RPS6KB1: variants seen among roughly 807,000 people sequenced by gnomAD.
RPS6KB1 encodes the protein ribosomal protein S6 kinase B1, also known as ribosomal protein S6 kinase beta-1.
RPS6KB1 carries 12 observed loss-of-function variants against 70.2 expected under a neutral mutation model. The ratio of observed to expected loss-of-function variants is 0.17; its 90% CI spans 0.11 to 0.28. The LOEUF (loss-of-function observed/expected upper bound fraction) is 0.28. Ranked by LOEUF, RPS6KB1 falls within the 10% of genes least tolerant of loss-of-function variation. RPS6KB1 has a pLI of 1.00. For synonymous variants in RPS6KB1, 175 were observed against 211.2 expected, an observed-to-expected ratio of 0.83 and a Z score of 1.49; for missense variants, 270 against 646.6, an observed-to-expected ratio of 0.42 and a Z score of 6.32.
intron 13 of RPS6KB1, among the ~76,000 whole-genome samples, chr17:59,943,921 T>TATAC (rs1990564251): frequency 7.2e-6 from 1 of 139,682 alleles, no homozygotes; most frequent in Non-Finnish European, 1.6e-5. Context: ...TATATATATA[T>TATAC]ACACACATAC....
chr17:59,895,318 CTTTT>C (rs71145587), intron 1 of RPS6KB1, among the ~76,000 whole-genome samples: 2 of 106,278 alleles, frequency 1.9e-5, no homozygotes, highest in African/African-American at 3.5e-5. Context: ...CTGCGCCTGG[CTTTT>C]TTTTTTTTTT....
At chr17:59,907,767 C>T (rs1364102011) in intron 1 of RPS6KB1, among the ~76,000 whole-genome samples, 1 of 152,022 alleles carries the variant, frequency 6.6e-6, no homozygotes, top group African/African-American at 2.4e-5. Flanking sequence ...GTCTTGAACT[C>T]CAAGTAATCC....
rs562927121 is a variant in RPS6KB1, at chr17:59,903,336, A to G, written c.142-7226A>G. On this transcript the variant is annotated intron_variant, in intron 1 of 14. Transcript: ENST00000225577. ...AAAAAAGAAAAAAAAAGAGCCGAGC[A>G]TGGTGCTATGCACTTGTAGTCCCAG... is the stretch of plus-strand genomic sequence containing the variant. Among the ~76,000 whole-genome samples the G allele has an allele frequency of 1.8e-3, 278 of 151,066 alleles. 1 individual carries two copies. The highest frequency in any genetic ancestry group is 1.4e-3 in the Non-Finnish European group (94 of 67,694).
At chr17:59,897,964 CAAAAA>C (rs1469872753) in intron 1 of RPS6KB1, among the ~76,000 whole-genome samples, 1 of 76,290 alleles carries the variant, frequency 1.3e-5, no homozygotes. Flanking sequence ...GATTCCGTCT[CAAAAA>C]AAAAAAAAAA....
chr17:59,947,262 C>T lies in RPS6KB1; in HGVS notation c.*474C>T, dbSNP rs2044980803. 2 of 1,025,992 alleles carry T rather than the reference C, an allele frequency of 1.9e-6. No individual in the cohort carries two copies. The highest frequency in any genetic ancestry group is 4.5e-5 in the South Asian group (1 of 22,176). The allele number at this position is 1,025,992 out of a possible 1,614,324, so 63.6% of individuals were successfully genotyped here. A position where few individuals can be genotyped will look rare whatever the true frequency, so the allele number is the denominator to read the frequency against. ...TGGAAGCAAAGACAAAAGAAACTTA[C>T]CAATTGATGTTTTACGTGCAAACAA... On this transcript the variant is annotated 3_prime_UTR_variant, in exon 15 of 15. Coordinates refer to ENST00000225577, the MANE Select transcript of RPS6KB1 (RefSeq NM_003161.4).
intron 1 of RPS6KB1, among the ~76,000 whole-genome samples, chr17:59,907,855 G>A (rs1247045785): frequency 6.6e-6 from 1 of 152,054 alleles, no homozygotes; most frequent in Admixed American, 6.6e-5. Context: ...CTTAGTGATG[G>A]TATTATAAAT....
intron 7 of RPS6KB1, among the ~76,000 whole-genome samples, chr17:59,932,005 G>A (rs902466169): frequency 6.6e-6 from 1 of 151,954 alleles, no homozygotes; most frequent in South Asian, 2.1e-4. Flanking sequence ...ATCAAATGTT[G>A]TATAATGTTT....
chr17:59,920,873 A>G (rs2043224253), intron 4 of RPS6KB1, among the ~76,000 whole-genome samples: 1 of 151,956 alleles, frequency 6.6e-6, no homozygotes. Context: ...TAATTTTTGT[A>G]CTTTTGGTAG....
In RPS6KB1 at chr17:59,904,148, T is replaced by G. The variant is rs556583343; in HGVS notation, c.142-6414T>G. Among the ~76,000 whole-genome samples, 15 of 151,990 alleles carry G rather than the reference T, an allele frequency of 9.9e-5. 1 individual carries two copies. The highest frequency in any genetic ancestry group is 9.9e-4 in the Admixed American group (15 of 15,210). ...CAGGCTGGAGTGCAGTGGCGTGATC[T>G]CGGCTCACTGCAACCTCCACCTCCC... On this transcript the variant is annotated intron_variant, in intron 1 of 14. Transcript: ENST00000225577.
chr17:59,935,577 C>T (rs542392268), intron 10 of RPS6KB1, among the ~76,000 whole-genome samples: 23 of 151,296 alleles, frequency 1.5e-4, no homozygotes, highest in Middle Eastern at 6.9e-3. Context: ...CAGGTTCAAG[C>T]GATTCTTCCG....
rs376390460 is a variant in RPS6KB1, at chr17:59,893,295, C to A, written c.111C>A (p.Asp37Glu). The stretch of plus-strand genomic sequence containing the variant: ...ACATAGACCTGGACCAGCCAGAGGA[C>A]GCGGGCTCTGAGGATGAGCTGGAGG... Reference protein sequence around the residue: ...VFDIDLDQPEDAGSEDELEEG... With the variant: ...VFDIDLDQPEEAGSEDELEEG... Residue 37 changes from aspartate (D) to glutamate (E), a missense_variant, in exon 1 of 15, where the codon GAC (aspartate) becomes GAA (glutamate). This residue lies in a region of RPS6KB1 where 72 missense variants were observed against 93.4 expected (regional missense o/e 0.77). Coordinates refer to ENST00000225577, the MANE Select transcript of RPS6KB1 (RefSeq NM_003161.4). This position sits in a 1 kb window ranked among gnomAD's most constrained non-coding sequence, Gnocchi z 4.1. The A allele has an allele frequency of 6.2e-7, 1 of 1,611,362 alleles. No homozygotes were observed. The highest frequency in any genetic ancestry group is 1.3e-5 in the African/African-American group (1 of 74,864).
chr17:59,929,211 A>G (rs1598779962), intron 5 of RPS6KB1, among the ~76,000 whole-genome samples: 1 of 148,230 alleles, frequency 6.7e-6, no homozygotes, highest in African/African-American at 2.5e-5. Context: ...GCTCACTGCA[A>G]CCTCCACCTC....
intron 2 of RPS6KB1, among the ~76,000 whole-genome samples, chr17:59,911,001 G>A (rs529851793): frequency 8.5e-5 from 13 of 152,158 alleles, no homozygotes; most frequent in Admixed American, 4.6e-4. Context: ...CATGCAATCC[G>A]GCTGGGCACA....
In RPS6KB1 at chr17:59,912,707, T is replaced by A. The variant is rs1377606156; in HGVS notation, c.215T>A (p.Phe72Tyr). Residue 72 changes from phenylalanine (F) to tyrosine (Y), a missense_variant, in exon 3 of 15, where the codon TTT (phenylalanine) becomes TAT (tyrosine). Phe to Tyr is a conservative substitution (Grantham distance 22). This residue lies in a region of RPS6KB1 where 72 missense variants were observed against 93.4 expected (regional missense o/e 0.77). Transcript: ENST00000225577. ...AGTGGCATGGAACATTGTGAGAAAT[T>A]TGAAATCTCAGAAACTAGTGTGAAC... The part of the protein sequence containing the change: ...YELGMEHCEK[F>Y]EISETSVNRG... 6.2e-7 allele frequency: 1 copy of A among 1,613,940 alleles called. No individual in the cohort carries two copies. Among genetic ancestry groups the A allele is most frequent in the Non-Finnish European group, 8.5e-7 (1 of 1,179,888 alleles).
At chr17:59,913,431 A>G (rs77788420) in intron 3 of RPS6KB1, among the ~76,000 whole-genome samples, 203 of 152,350 alleles carry the variant, frequency 1.3e-3, no homozygotes, top group African/African-American at 4.6e-3. Context: ...TTTGCAAAGC[A>G]GACATTTGTA....
intron 5 of RPS6KB1, among the ~76,000 whole-genome samples, chr17:59,926,957 G>T (rs1473856988): frequency 6.6e-6 from 1 of 152,126 alleles, no homozygotes; most frequent in African/African-American, 2.4e-5. Flanking sequence ...TTAAACAAGA[G>T]TTTTTAGTTT....
At chr17:59,899,206 GA>G (rs1414291151) in intron 1 of RPS6KB1, among the ~76,000 whole-genome samples, 136 of 135,836 alleles carry the variant, frequency 1.0e-3, no homozygotes, top group Middle Eastern at 4.1e-3. Flanking sequence ...CTTCGTCTCA[GA>G]AAAAAAAAAA....
At position 59,934,261 on chromosome 17, in the gene RPS6KB1, G is replaced by A. The variant is rs1401429045; in HGVS notation, c.779+1G>A. The A allele has an allele frequency of 6.3e-7, 1 of 1,597,672 alleles. No homozygotes were observed. Among genetic ancestry groups the A allele is most frequent in the Non-Finnish European group, 8.6e-7 (1 of 1,165,180 alleles). ...CATTTTGTGGAACAATAGAATACAT[G>A]TGAGCTACATGTTAAACATAATTGG... On this transcript the variant is annotated splice_donor_variant, in intron 8 of 14. Coordinates refer to ENST00000225577, the MANE Select transcript of RPS6KB1 (RefSeq NM_003161.4). LOFTEE classifies it high-confidence loss of function. The surrounding 1 kb of genome is among the most constrained non-coding windows in gnomAD (Gnocchi z 4.8).
At chr17:59,911,545 T>TG (rs1006053763) in intron 2 of RPS6KB1, among the ~76,000 whole-genome samples, 1 of 140,798 alleles carries the variant, frequency 7.1e-6, no homozygotes, top group African/African-American at 2.7e-5. Context: ...TGGGTTTTTT[T>TG]TTTTTTTTTT....
Sources: allele counts gnomAD v4.1 joint callset (sites outside exome capture counted in the v4.1 genomes callset), GRCh38; gene constraint gnomAD v4.1.1; regional missense constraint gnomAD v4.1.1; non-coding constraint Gnocchi (gnomAD v3.1); transcripts MANE v1.5; gene names NCBI Gene and HGNC (gene_info 2026-07-23, HGNC 2026-07-21).